The following GDF6 variants were observed in gnomAD, a reference collection of about 807,000 sequenced individuals.
GDF6 encodes the protein growth/differentiation factor 6.
A neutral mutation model predicts 32.4 loss-of-function variants in GDF6; 3 were observed. That is an observed-to-expected ratio of 0.09 (90% CI 0.04 to 0.24). The LOEUF (loss-of-function observed/expected upper bound fraction) is 0.24, where lower values mean the gene tolerates loss of function less well. Among genes scored for constraint, GDF6 ranks in the 10% least tolerant of loss-of-function variants. GDF6 has a pLI of 1.00. For missense variants in GDF6, 589 were observed against 637.9 expected, an observed-to-expected ratio of 0.92 and a Z score of 0.83; for synonymous variants, 296 against 295.3, an observed-to-expected ratio of 1.00 and a Z score of -0.03.
chr8:96,157,393 C>G (rs182292254), intron 1 of GDF6, among the ~76,000 whole-genome samples: 6 of 152,144 alleles, frequency 3.9e-5, no homozygotes, highest in Non-Finnish European at 2.9e-5. Flanking sequence ...TTGGGGTTTC[C>G]GGGGTAAGGA....
chr8:96,157,162 C>T (rs1427896608), intron 1 of GDF6, among the ~76,000 whole-genome samples: 3 of 152,050 alleles, frequency 2.0e-5, no homozygotes, highest in African/African-American at 7.2e-5. Context: ...TATTATTACT[C>T]CTAGGTGTCT....
intron 1 of GDF6, among the ~76,000 whole-genome samples, chr8:96,154,734 C>G (rs1167868517): frequency 6.6e-6 from 1 of 152,184 alleles, no homozygotes; most frequent in Non-Finnish European, 1.5e-5. Context: ...CTTTGGTGCA[C>G]GCAGTAGTCC....
At position 96,143,295 on chromosome 8, in the gene GDF6, G is replaced by A. The variant is rs1021281025; in HGVS notation, c.*1268C>T. ...GGGGAGCCCTGGGCTATTGCTGGCT[G>A]GTAATCTTTCAGGAATGTCAAAGAG... On this transcript the variant is annotated 3_prime_UTR_variant, in exon 2 of 2. Coordinates refer to ENST00000287020, the MANE Select transcript of GDF6 (RefSeq NM_001001557.4). The A allele has an allele frequency of 1.3e-5, 2 of 152,680 alleles. No individual in the cohort carries two copies. The highest frequency in any genetic ancestry group is 4.8e-5 in the African/African-American group (2 of 41,460). The allele number at this position is 152,680 out of a possible 1,614,324, so 9.5% of individuals were successfully genotyped here.
Position 96,145,533 on chromosome 8 carries a change from T to TA in GDF6, c.407-10dup, listed in dbSNP as rs1280924140. 3.1e-6 allele frequency: 5 copies of TA among 1,597,646 alleles called. No individual in the cohort carries two copies. Among genetic ancestry groups the TA allele is most frequent in the Middle Eastern group, 1.7e-4 (1 of 6,056 alleles). The stretch of plus-strand genomic sequence containing the variant: ...AGTGTGCGAGAGATCGTCTGCGAGA[T>TA]AAAAAATAATTACAGTCAGTTTCAC... On this transcript the variant is annotated splice_polypyrimidine_tract_variant and intron_variant, in intron 1 of 1. Coordinates refer to ENST00000287020, the MANE Select transcript of GDF6 (RefSeq NM_001001557.4). The surrounding 1 kb of genome is among the most constrained non-coding windows in gnomAD (Gnocchi z 5.6).
chr8:96,145,501 G>T lies in GDF6; in HGVS notation c.430C>A (p.Arg144=). ...GLDDLSHTPL[R]RQKYLFDVSM... is the part of the protein sequence containing the mutation. Reference sequence around the variant, plus strand: ...ACATCAAACAAATACTTCTGTCTCCGGAGAGGAGTGTGCGAGAGATCGTCT... The same window carrying T: ...ACATCAAACAAATACTTCTGTCTCCTGAGAGGAGTGTGCGAGAGATCGTCT... The change falls in exon 2 of 2, where the codon CGG becomes AGG. Residue 144 remains arginine (R), a synonymous_variant. Coordinates refer to ENST00000287020, the MANE Select transcript of GDF6 (RefSeq NM_001001557.4). The surrounding 1 kb of genome is among the most constrained non-coding windows in gnomAD (Gnocchi z 5.6). 6.3e-7 allele frequency: 1 copy of T among 1,597,924 alleles called. No individual in the cohort carries two copies. Among genetic ancestry groups the T allele is most frequent in the Non-Finnish European group, 8.5e-7 (1 of 1,179,608 alleles).
Position 96,144,546 on chromosome 8 carries a change from C to T in GDF6, c.*17G>A. On this transcript the variant is annotated 3_prime_UTR_variant, in exon 2 of 2. Transcript: ENST00000287020. The surrounding 1 kb of genome is among the most constrained non-coding windows in gnomAD (Gnocchi z 5.1). ...GGCCCACCTTGGTTCCGGGCCAAGG[C>T]GGCGGGAAAGGCACCGCTACCTGCA... The T allele has an allele frequency of 6.2e-7, 1 of 1,612,580 alleles. No homozygotes were observed. The highest frequency in any genetic ancestry group is 8.5e-7 in the Non-Finnish European group (1 of 1,179,514).
chr8:96,152,177 G>T (rs1812579520), intron 1 of GDF6, among the ~76,000 whole-genome samples: 1 of 152,204 alleles, frequency 6.6e-6, no homozygotes, highest in Non-Finnish European at 1.5e-5. Context: ...CTGCTTATCT[G>T]AAGTCAAGTG....
At chr8:96,152,870 GCCT>G (rs1812591585) in intron 1 of GDF6, among the ~76,000 whole-genome samples, 1 of 152,174 alleles carries the variant, frequency 6.6e-6, no homozygotes, top group Admixed American at 6.5e-5. Flanking sequence ...AGGGGCCTGG[GCCT>G]TGTAGACTCC....
intron 1 of GDF6, among the ~76,000 whole-genome samples, chr8:96,157,577 C>G (rs1424670914): frequency 2.0e-5 from 3 of 152,158 alleles, no homozygotes; most frequent in Non-Finnish European, 4.4e-5. Flanking sequence ...CAAGTTAGCG[C>G]TGCTGGCCCA....
chr8:96,159,784 C>T (rs1360781077), intron 1 of GDF6, among the ~76,000 whole-genome samples: 2 of 152,254 alleles, frequency 1.3e-5, no homozygotes. Context: ...GGCTGCCCGA[C>T]GCCGCTCGCG....
At chr8:96,159,701 G>C (rs752685381) in intron 1 of GDF6, among the ~76,000 whole-genome samples, 6 of 152,234 alleles carry the variant, frequency 3.9e-5, no homozygotes, top group Non-Finnish European at 8.8e-5. Context: ...GGAGGGCGCA[G>C]GGCTCCAGCC....
chr8:96,152,034 C>A (rs1812577096), intron 1 of GDF6, among the ~76,000 whole-genome samples: 1 of 152,206 alleles, frequency 6.6e-6, no homozygotes. Flanking sequence ...TGCACCTGTC[C>A]TTCTCTTGAC....
At chr8:96,160,265 G>C (rs1468436197) in intron 1 of GDF6, 22 bp downstream of exon 1, 9 of 1,613,736 alleles carry the variant, frequency 5.6e-6, no homozygotes, top group South Asian at 1.1e-5. Flanking sequence ...GAGGGGAGTC[G>C]AGCGTTTTCT....
intron 1 of GDF6, among the ~76,000 whole-genome samples, chr8:96,159,933 G>T (rs1481568808): frequency 6.6e-6 from 1 of 152,160 alleles, no homozygotes; most frequent in Non-Finnish European, 1.5e-5. Context: ...GATTCCATCA[G>T]TCCCCATCCC....
In GDF6 at chr8:96,144,129, T is replaced by A. The variant is rs1812415477; in HGVS notation, c.*434A>T. ...TCTTCCTCCCACATTGTTTCCCTTT[T>A]TAAACTGTTATTTTTTCAATCCATG... On this transcript the variant is annotated 3_prime_UTR_variant, in exon 2 of 2. Transcript: ENST00000287020. This position sits in a 1 kb window ranked among gnomAD's most constrained non-coding sequence, Gnocchi z 5.1. 5.1e-6 allele frequency: 1 copy of A among 196,562 alleles called. No individual in the cohort carries two copies. Among genetic ancestry groups the A allele is most frequent in the Non-Finnish European group, 1.1e-5 (1 of 93,996 alleles). The allele number at this position is 196,562 out of a possible 1,614,324, so 12.2% of individuals were successfully genotyped here.
rs1284510247 is a variant in GDF6, at chr8:96,142,630, A to C, written c.*1933T>G. ...ATTAGAAATTATAACATTTGAGTGC[A>C]TATAACGTTTTGTACATTAGGATGA... On this transcript the variant is annotated 3_prime_UTR_variant, in exon 2 of 2. Coordinates refer to ENST00000287020, the MANE Select transcript of GDF6 (RefSeq NM_001001557.4). 6.5e-6 allele frequency: 1 copy of C among 152,700 alleles called. No individual in the cohort carries two copies. Among genetic ancestry groups the C allele is most frequent in the Non-Finnish European group, 1.5e-5 (1 of 68,038 alleles). 9.5% of individuals were successfully genotyped at this position (152,700 alleles called of 1,614,324 possible).
At position 96,160,447 on chromosome 8, in the gene GDF6, CGCCCGGGGCTGCTGA is replaced by C; in HGVS notation, c.231_245del (p.Gln79_Gln83del). 6.2e-7 allele frequency: 1 copy of C among 1,613,716 alleles called. No homozygotes were observed. Among genetic ancestry groups the C allele is most frequent in the Non-Finnish European group, 8.5e-7 (1 of 1,179,800 alleles). ...GCGGACCCCTGCCTGGCGGCTCCTGCGCCCGGGGCTGCTGAGCCCGGGGTTCGTCCTGAGGCCGCG... is the reference window on the plus strand; with the variant it reads ...GCGGACCCCTGCCTGGCGGCTCCTGCGCCCGGGGTTCGTCCTGAGGCCGCG... On this transcript the variant is annotated inframe_deletion, in exon 1 of 2. Coordinates refer to ENST00000287020, the MANE Select transcript of GDF6 (RefSeq NM_001001557.4).
At chr8:96,155,902 C>T (rs1812652864) in intron 1 of GDF6, among the ~76,000 whole-genome samples, 1 of 152,184 alleles carries the variant, frequency 6.6e-6, no homozygotes, top group South Asian at 2.1e-4. Flanking sequence ...CAGGTCCACC[C>T]AGAAACCCGC....
Position 96,145,232 on chromosome 8 carries a change from C to G in GDF6, c.699G>C (p.Leu233=). Residue 233 remains leucine (L), a synonymous_variant, in exon 2 of 2, where the codon CTG becomes CTC. Coordinates refer to ENST00000287020, the MANE Select transcript of GDF6 (RefSeq NM_001001557.4). This position sits in a 1 kb window ranked among gnomAD's most constrained non-coding sequence, Gnocchi z 5.6. ...CGTCCAGCTCGCCCCATGCGGCCCG[C>G]AGCTCCAAGCACAGCTGCTTCCAGG... ...HQPWKQLCLE[L]RAAWGELDAG... 1 of 1,515,650 alleles carries G rather than the reference C, an allele frequency of 6.6e-7. No homozygotes were observed. Among genetic ancestry groups the G allele is most frequent in the Non-Finnish European group, 8.8e-7 (1 of 1,139,054 alleles). 93.9% of individuals were successfully genotyped at this position (1,515,650 alleles called of 1,614,324 possible). A position where few individuals can be genotyped will look rare whatever the true frequency, so the allele number is the denominator to read the frequency against.
Sources: gnomAD v4.1 joint callset for allele counts (sites outside exome capture counted in the v4.1 genomes callset) on GRCh38, gnomAD v4.1.1 for gene constraint, Gnocchi (gnomAD v3.1) non-coding constraint, MANE v1.5 for transcripts, NCBI Gene and HGNC (gene_info 2026-07-23, HGNC 2026-07-21) for gene names.